OXR1: variants seen among roughly 807,000 people sequenced by gnomAD.
OXR1 encodes oxidation resistance 1, also known as oxidation resistance protein 1.
Under a neutral mutation model 104.6 loss-of-function variants are expected in OXR1, and 41 were observed. The ratio of observed to expected loss-of-function variants is 0.39; its 90% CI spans 0.31 to 0.51. The LOEUF is 0.51. OXR1 is among the 20% of genes least tolerant of loss of function. The pLI is 0.77. For missense variants in OXR1, 955 were observed against 1,031.9 expected, an observed-to-expected ratio of 0.93 and a Z score of 1.02; for synonymous variants, 348 against 348.4, an observed-to-expected ratio of 1.00 and a Z score of 0.01.
chr8:106,562,479 C>T (rs998171917), intron 3 of OXR1, among the ~76,000 whole-genome samples: 3 of 152,044 alleles, frequency 2.0e-5, no homozygotes, highest in Admixed American at 6.6e-5. Context: ...TGTGAAAAGA[C>T]CAAACCTATG....
At position 106,707,029 on chromosome 8, in the gene OXR1, G is replaced by T. The variant is rs1309139302; in HGVS notation, c.1508G>T (p.Arg503Leu). Reference protein sequence around the residue: ...QDSQTEAEELRKLWKTHTMQQ... With the variant: ...QDSQTEAEELLKLWKTHTMQQ... Reference sequence around the variant, plus strand: ...TCACAGACAGAGGCAGAAGAGCTACGCAAACTTTGGAAAACCCATACTATG... The same window carrying T: ...TCACAGACAGAGGCAGAAGAGCTACTCAAACTTTGGAAAACCCATACTATG... Residue 503 changes from arginine (R) to leucine (L), a missense_variant, in exon 9 of 17, where the codon CGC becomes CTC. Coordinates refer to ENST00000517566, the MANE Select transcript of OXR1 (RefSeq NM_001198533.2). 1 of 1,613,748 alleles carries T rather than the reference G, an allele frequency of 6.2e-7. No individual in the cohort carries two copies. Among genetic ancestry groups the T allele is most frequent in the African/African-American group, 1.3e-5 (1 of 74,898 alleles).
At chr8:106,654,915 C>G (rs577840400) in intron 3 of OXR1, among the ~76,000 whole-genome samples, 2 of 152,102 alleles carry the variant, frequency 1.3e-5, no homozygotes, top group Non-Finnish European at 2.9e-5. Context: ...AAATATCCAT[C>G]AATGGATGAA....
intron 3 of OXR1, among the ~76,000 whole-genome samples, chr8:106,584,057 T>C (rs1818445118): frequency 6.6e-6 from 1 of 151,994 alleles, no homozygotes; most frequent in Non-Finnish European, 1.5e-5. Flanking sequence ...CTTAGCATTC[T>C]CAAAAGGATA....
At chr8:106,372,003 A>G (rs1052223292) in intron 2 of OXR1, among the ~76,000 whole-genome samples, 13 of 152,190 alleles carry the variant, frequency 8.5e-5, no homozygotes, top group Non-Finnish European at 1.6e-4. Context: ...CTCTCCCACA[A>G]GGAGCTCAAA....
At chr8:106,362,198 T>A (rs1816277264) in intron 2 of OXR1, among the ~76,000 whole-genome samples, 1 of 152,184 alleles carries the variant, frequency 6.6e-6, no homozygotes, top group Non-Finnish European at 1.5e-5. Flanking sequence ...ATGTTACCAC[T>A]GAGCTTCTAG....
At chr8:106,657,472 C>T (rs1825205009) in intron 3 of OXR1, 1 of 152,570 alleles carries the variant, frequency 6.6e-6, no homozygotes, top group East Asian at 1.9e-4. Context: ...CAGCAGTCTC[C>T]CCTGGGCCAT....
At chr8:106,427,704 A>G (rs10095161) in intron 2 of OXR1, among the ~76,000 whole-genome samples, 34,943 of 152,112 alleles carry the variant, frequency 0.23, 5,625 homozygotes, top group African/African-American at 0.44. Context: ...TGTGAAGACT[A>G]TGTTCTGACA....
At chr8:106,487,434 T>G (rs1810755898) in intron 2 of OXR1, among the ~76,000 whole-genome samples, 1 of 151,946 alleles carries the variant, frequency 6.6e-6, no homozygotes, top group Non-Finnish European at 1.5e-5. Flanking sequence ...TTTGTTTTTT[T>G]TATTATACTT....
chr8:106,508,046 T>C (rs1435805811), intron 2 of OXR1, among the ~76,000 whole-genome samples: 3 of 152,170 alleles, frequency 2.0e-5, no homozygotes, highest in Admixed American at 6.5e-5. Flanking sequence ...TGGGGCAATC[T>C]CACCAGGACA....
chr8:106,576,761 T>C (rs559261381), intron 3 of OXR1, among the ~76,000 whole-genome samples: 1 of 152,292 alleles, frequency 6.6e-6, no homozygotes, highest in African/African-American at 2.4e-5. Context: ...AATTCTCAAA[T>C]TCAGTAAGTC....
chr8:106,695,804 G>T (rs1453833792), intron 7 of OXR1, among the ~76,000 whole-genome samples: 1 of 151,862 alleles, frequency 6.6e-6, no homozygotes, highest in Non-Finnish European at 1.5e-5. Flanking sequence ...TCTTTTTTTG[G>T]TCCATTGAAT....
intron 3 of OXR1, among the ~76,000 whole-genome samples, chr8:106,658,336 C>G (rs1586985459): frequency 6.6e-6 from 1 of 152,056 alleles, no homozygotes; most frequent in Non-Finnish European, 1.5e-5. Context: ...TGGCGGCCGC[C>G]GGGGGCGAGG....
intron 6 of OXR1, among the ~76,000 whole-genome samples, chr8:106,685,912 TG>T (rs1381117803): frequency 1.4e-5 from 2 of 147,736 alleles, no homozygotes; most frequent in Non-Finnish European, 3.1e-5. Flanking sequence ...AAGGAAAATG[TG>T]GTATATATAT....
chr8:106,558,713 G>A (rs1586809917), intron 3 of OXR1, among the ~76,000 whole-genome samples: 1 of 152,074 alleles, frequency 6.6e-6, no homozygotes, highest in African/African-American at 2.4e-5. Context: ...CAAGACAACC[G>A]AAAATCTTTT....
intron 3 of OXR1, among the ~76,000 whole-genome samples, chr8:106,552,490 A>C (rs1364624742): frequency 6.6e-6 from 1 of 152,210 alleles, no homozygotes; most frequent in Non-Finnish European, 1.5e-5. Context: ...TTTAAAAACC[A>C]AATTTGAATT....
intron 2 of OXR1, among the ~76,000 whole-genome samples, chr8:106,367,478 A>G (rs1816522562): frequency 6.6e-6 from 1 of 152,150 alleles, no homozygotes; most frequent in Admixed American, 6.5e-5. Flanking sequence ...AAATTAGTAT[A>G]ATTTATTTCT....
Position 106,713,928 on chromosome 8 carries a change from T to G in OXR1, c.1899T>G (p.Ile633Met), listed in dbSNP as rs780887646. Residue 633 changes from isoleucine (I) to methionine (M), a missense_variant, in exon 11 of 17, where the codon ATT (isoleucine) becomes ATG (methionine). This residue lies in a region of OXR1 where 849 missense variants were observed against 852.9 expected (regional missense o/e 1.00). Coordinates refer to ENST00000517566, the MANE Select transcript of OXR1 (RefSeq NM_001198533.2). The part of the protein sequence containing the change: ...REPGFIVVKK[I>M]EESETIEDSS... ...CTGGATTTATAGTAGTAAAAAAGATTGAGGAGTCTGAAACAATTGAGGATT... is the reference window on the plus strand; with the variant it reads ...CTGGATTTATAGTAGTAAAAAAGATGGAGGAGTCTGAAACAATTGAGGATT... 1 of 1,596,112 alleles carries G rather than the reference T, an allele frequency of 6.3e-7. No individual in the cohort carries two copies.
chr8:106,453,952 A>G (rs921246056), intron 2 of OXR1, among the ~76,000 whole-genome samples: 5 of 152,234 alleles, frequency 3.3e-5, no homozygotes, highest in African/African-American at 1.2e-4. Flanking sequence ...GGCACAAAGC[A>G]TTCTTATTCT....
At chr8:106,390,530 C>A (rs143756492) in intron 2 of OXR1, among the ~76,000 whole-genome samples, 2,401 of 152,256 alleles carry the variant, frequency 0.016, 36 homozygotes, top group Middle Eastern at 0.075. Context: ...AGAGGTTAAG[C>A]AATTTTTCCA....
Sources: allele counts gnomAD v4.1 joint callset (sites outside exome capture counted in the v4.1 genomes callset), GRCh38; gene constraint gnomAD v4.1.1; regional missense constraint gnomAD v4.1.1; transcripts MANE v1.5; gene names NCBI Gene and HGNC (gene_info 2026-07-23, HGNC 2026-07-21).